Variants in DNM2 observed in about 807,000 individuals in gnomAD.
The protein encoded by DNM2 is dynamin 2.
A neutral mutation model predicts 99.0 loss-of-function variants in DNM2; 15 were observed. That is an observed-to-expected ratio of 0.15 (90% CI 0.10 to 0.23). DNM2 has a LOEUF of 0.23. Among genes scored for constraint, DNM2 ranks in the 10% least tolerant of loss-of-function variants. The pLI is 1.00. For missense variants in DNM2, 742 were observed against 1,189.4 expected (o/e 0.62, Z 5.53); for synonymous variants, 525 against 481.2 (o/e 1.09, Z -1.19).
Position 10,802,491 on chromosome 19 carries a change from A to G in DNM2, c.1493+133A>G, listed in dbSNP as rs970503744. The G allele has an allele frequency of 1.0e-5, 10 of 990,668 alleles. No individual in the cohort carries two copies. In the African/African-American group the frequency reaches 1.4e-4, roughly 14 times the overall value. The allele number at this position is 990,668 out of a possible 1,614,324, so 61.4% of individuals were successfully genotyped here. On this transcript the variant is annotated intron_variant, in intron 12 of 20. Transcript: ENST00000389253. ...CTGTCGGGGGTCCTGGGGTGAAGGC[A>G]GAGCCAACTGAGAATATCTGGAAGC...
At chr19:10,720,791 C>T (rs1331442048) in intron 1 of DNM2, among the ~76,000 whole-genome samples, 2 of 152,160 alleles carry the variant, frequency 1.3e-5, no homozygotes, top group East Asian at 3.9e-4. Flanking sequence ...AGTAGGTCTA[C>T]ATGGATGGGG....
At chr19:10,744,979 T>C (rs746296954) in intron 1 of DNM2, among the ~76,000 whole-genome samples, 1 of 152,136 alleles carries the variant, frequency 6.6e-6, no homozygotes, top group Non-Finnish European at 1.5e-5. Context: ...TCAGTACTGC[T>C]GAAAGTTACA....
intron 1 of DNM2, among the ~76,000 whole-genome samples, chr19:10,721,912 A>T (rs1353615315): frequency 1.3e-5 from 2 of 152,110 alleles, no homozygotes; most frequent in Non-Finnish European, 2.9e-5. Context: ...AGACACTCAG[A>T]TCTATAGAGT....
intron 1 of DNM2, among the ~76,000 whole-genome samples, chr19:10,741,843 G>A (rs1003988284): frequency 6.6e-6 from 1 of 151,908 alleles, no homozygotes. Flanking sequence ...GAGCCACCAC[G>A]CCTGGCCAAT....
At chr19:10,754,498 G>A (rs193230847) in intron 1 of DNM2, among the ~76,000 whole-genome samples, 40 of 152,148 alleles carry the variant, frequency 2.6e-4, no homozygotes, top group Admixed American at 9.8e-4. Flanking sequence ...TAATCTGCCC[G>A]CCTCAGCCTC....
At chr19:10,744,167 A>T (rs543541356) in intron 1 of DNM2, among the ~76,000 whole-genome samples, 4 of 152,132 alleles carry the variant, frequency 2.6e-5, no homozygotes, top group South Asian at 2.1e-4. Context: ...AAAAAAAAAA[A>T]AAATTCTTTA....
chr19:10,813,910 C>T (rs1231831510), intron 15 of DNM2, among the ~76,000 whole-genome samples: 1 of 151,890 alleles, frequency 6.6e-6, no homozygotes, highest in African/African-American at 2.4e-5. Context: ...TGCCTGTAAT[C>T]TTAGCACTCT....
chr19:10,718,574 T>A, intron 1 of DNM2, 171 bp downstream of exon 1: 2 of 991,792 alleles, frequency 2.0e-6, no homozygotes, highest in Non-Finnish European at 2.6e-6. Context: ...GGCAGAGGAC[T>A]CCCTGCAGGG....
intron 1 of DNM2, among the ~76,000 whole-genome samples, chr19:10,724,094 A>AG (rs747264493): frequency 0.092 from 12,614 of 136,682 alleles, 572 homozygotes; most frequent in African/African-American, 0.13. Flanking sequence ...AAAAAAAAAA[A>AG]AAAAGGCGAT....
At chr19:10,806,460 T>C (rs977089187) in intron 13 of DNM2, among the ~76,000 whole-genome samples, 1 of 151,988 alleles carries the variant, frequency 6.6e-6, no homozygotes, top group African/African-American at 2.4e-5. Flanking sequence ...CAGCAGTTCA[T>C]GACCATCCGG....
chr19:10,742,375 G>C (rs1382988633), intron 1 of DNM2, among the ~76,000 whole-genome samples: 2 of 152,112 alleles, frequency 1.3e-5, no homozygotes, highest in African/African-American at 4.8e-5. Flanking sequence ...TCCCACCCCC[G>C]TCACCCTCAT....
intron 1 of DNM2, among the ~76,000 whole-genome samples, chr19:10,757,741 G>C (rs12462213): frequency 0.036 from 5,423 of 151,994 alleles, 414 homozygotes; most frequent in East Asian, 0.35. Context: ...GGTTGAGTTC[G>C]AGACCACTCT....
intron 10 of DNM2, among the ~76,000 whole-genome samples, chr19:10,797,840 A>G (rs1176908263): frequency 2.0e-5 from 3 of 152,194 alleles, no homozygotes; most frequent in Non-Finnish European, 2.9e-5. Context: ...GAAACACATC[A>G]TCTGTATAGC....
intron 1 of DNM2, among the ~76,000 whole-genome samples, chr19:10,733,501 A>G (rs2069412358): frequency 6.6e-6 from 1 of 152,072 alleles, no homozygotes; most frequent in African/African-American, 2.4e-5. Context: ...CCTAGAAATA[A>G]TTTTAGATTT....
rs1354742300 is a variant in DNM2 at position 10,823,831 on chromosome 19, T to G, written c.1825T>G (p.Ser609Ala). ...DLRQIELACD[S>A]QEDVDSWKAS... Reference sequence around the variant, plus strand: ...GCGGCAGATCGAGCTGGCCTGTGACTCCCAGGAAGACGTGGACAGCTGGAA... The same window carrying G: ...GCGGCAGATCGAGCTGGCCTGTGACGCCCAGGAAGACGTGGACAGCTGGAA... The change falls in exon 17 of 21, where the codon TCC becomes GCC. Residue 609 changes from serine (S) to alanine (A), a missense_variant. Around this residue, in one of 7 missense-constraint regions of DNM2, gnomAD observed 240 missense variants for 431.3 expected, o/e 0.56. Transcript: ENST00000389253. 1.9e-6 allele frequency: 3 copies of G among 1,613,260 alleles called. No homozygotes were observed.
At chr19:10,758,957 T>C (rs76639864) in intron 1 of DNM2, among the ~76,000 whole-genome samples, 13 of 152,104 alleles carry the variant, frequency 8.5e-5, no homozygotes, top group Admixed American at 7.2e-4. Context: ...CTTTTTTTTT[T>C]CCCACACAGA....
Position 10,812,130 on chromosome 19 carries a change from T to C in DNM2, c.1558-134T>C, listed in dbSNP as rs1357327250. On this transcript the variant is annotated intron_variant, in intron 14 of 20. Coordinates refer to ENST00000389253, the MANE Select transcript of DNM2 (RefSeq NM_001005361.3). This position sits in a 1 kb window ranked among gnomAD's most constrained non-coding sequence, Gnocchi z 4.0. ...GCTTGGGACAGGGTGGAACTGGGTT[T>C]CCTGGGCTTTGGGGCTGGAGGTGTC... is the stretch of plus-strand genomic sequence containing the variant. The C allele has an allele frequency of 4.2e-6, 3 of 720,216 alleles. No homozygotes were observed. The East Asian group carries it at 9.8e-5, about 23-fold the overall frequency. 44.6% of individuals were successfully genotyped at this position (720,216 alleles called of 1,614,324 possible).
At chr19:10,747,136 G>C (rs1470665896) in intron 1 of DNM2, among the ~76,000 whole-genome samples, 1 of 151,874 alleles carries the variant, frequency 6.6e-6, no homozygotes, top group African/African-American at 2.4e-5. Flanking sequence ...CAAGGTGCTG[G>C]GATTATAGGC....
intron 11 of DNM2, among the ~76,000 whole-genome samples, chr19:10,801,180 C>A (rs1179534958): frequency 6.6e-6 from 1 of 152,102 alleles, no homozygotes; most frequent in Non-Finnish European, 1.5e-5. Context: ...GTGGCGTGCG[C>A]CTGTGGTCTC....
Sources: allele counts gnomAD v4.1 joint callset (sites outside exome capture counted in the v4.1 genomes callset), GRCh38; gene constraint gnomAD v4.1.1; regional missense constraint gnomAD v4.1.1; non-coding constraint Gnocchi (gnomAD v3.1); transcripts MANE v1.5; gene names NCBI Gene and HGNC (gene_info 2026-07-23, HGNC 2026-07-21).